NHLRC2: variants seen among roughly 807,000 people sequenced by gnomAD.
NHLRC2 encodes the protein NHL repeat-containing protein 2.
Under a neutral mutation model 68.1 loss-of-function variants are expected in NHLRC2, and 33 were observed. The observed-to-expected ratio is 0.48, with a 90% CI of 0.37 to 0.65. NHLRC2 has a LOEUF of 0.65. Among genes scored for constraint, NHLRC2 ranks in the 30% least tolerant of loss-of-function variants. The probability of loss-of-function intolerance (pLI) is 0.00; values close to 1 mark genes in which losing one functional copy is unlikely to be tolerated. For synonymous variants in NHLRC2, 311 were observed against 309.6 expected (o/e 1.00, Z -0.05); for missense variants, 761 against 853.8 (o/e 0.89, Z 1.35).
At chr10:113,856,647 A>G (rs949280867) in intron 1 of NHLRC2, among the ~76,000 whole-genome samples, 1 of 152,150 alleles carries the variant, frequency 6.6e-6, no homozygotes, top group Non-Finnish European at 1.5e-5. Flanking sequence ...ATTTACAGGG[A>G]GTGTATTTTA....
intron 5 of NHLRC2, among the ~76,000 whole-genome samples, chr10:113,885,819 A>G (rs771135877): frequency 6.6e-6 from 1 of 152,040 alleles, no homozygotes; most frequent in Non-Finnish European, 1.5e-5. Flanking sequence ...AGATCCATTC[A>G]GACATAATAA....
intron 2 of NHLRC2, among the ~76,000 whole-genome samples, chr10:113,867,686 T>C (rs534742547): frequency 5.3e-5 from 8 of 152,324 alleles, no homozygotes; most frequent in African/African-American, 1.9e-4. Context: ...ATCCTTTTTG[T>C]CTAGTGAAGC....
intron 5 of NHLRC2, among the ~76,000 whole-genome samples, chr10:113,885,886 G>C (rs1258978843): frequency 2.0e-5 from 3 of 151,864 alleles, no homozygotes; most frequent in Non-Finnish European, 4.4e-5. Context: ...GTTCCTTATG[G>C]GAAGAGGAGC....
At chr10:113,866,629 T>C (rs922363407) in intron 2 of NHLRC2, among the ~76,000 whole-genome samples, 1 of 152,120 alleles carries the variant, frequency 6.6e-6, no homozygotes, top group Admixed American at 6.5e-5. Flanking sequence ...TTTTATACTT[T>C]ATTAAAAATT....
chr10:113,884,453 G>T, intron 5 of NHLRC2, 73 bp downstream of exon 5: 3 of 1,256,152 alleles, frequency 2.4e-6, no homozygotes, highest in South Asian at 1.4e-5. Context: ...TTCTTGAGGT[G>T]GTCATTTGGA....
intron 6 of NHLRC2, 102 bp downstream of exon 6, chr10:113,898,311 A>G (rs936757995): frequency 1.2e-5 from 8 of 690,494 alleles, no homozygotes; most frequent in African/African-American, 1.1e-4. Flanking sequence ...AGGATGTGCT[A>G]GGTTGTACTG....
intron 5 of NHLRC2, among the ~76,000 whole-genome samples, chr10:113,891,610 G>A (rs750375240): frequency 3.9e-5 from 6 of 152,106 alleles, no homozygotes; most frequent in Non-Finnish European, 8.8e-5. Context: ...CTCAGTACAT[G>A]GGCCTAGATT....
At chr10:113,855,932 AGAGGTTAAGTCACATGCCCAGG>A (rs1477328050) in intron 1 of NHLRC2, among the ~76,000 whole-genome samples, 1 of 152,200 alleles carries the variant, frequency 6.6e-6, no homozygotes, top group Non-Finnish European at 1.5e-5. Context: ...GGAAGCACAG[AGAGGTTAAGTCACATGCCCAGG>A]GCCTCACAGC....
At chr10:113,865,158 C>T (rs749425750) in intron 2 of NHLRC2, among the ~76,000 whole-genome samples, 1 of 151,890 alleles carries the variant, frequency 6.6e-6, no homozygotes, top group Non-Finnish European at 1.5e-5. Context: ...ACCGTGTTAG[C>T]CAGGATGGTC....
intron 2 of NHLRC2, among the ~76,000 whole-genome samples, chr10:113,874,314 G>A (rs971375919): frequency 1.3e-5 from 2 of 152,040 alleles, no homozygotes; most frequent in Admixed American, 6.6e-5. Context: ...CAGATGAACA[G>A]GTTAAGTAAC....
Position 113,914,879 on chromosome 10 carries a change from C to A in NHLRC2, c.*6343C>A. On this transcript the variant is annotated 3_prime_UTR_variant, in exon 11 of 11. Transcript: ENST00000369301. ...ATTAAAAGTCAGAGGCTTTACTAAT[C>A]TACCTATATGTATTCCATGGCTAAC... 2.6e-6 allele frequency: 1 copy of A among 384,514 alleles called. No individual in the cohort carries two copies. Among genetic ancestry groups the A allele is most frequent in the South Asian group, 1.9e-5 (1 of 51,520 alleles). The allele number at this position is 384,514 out of a possible 1,614,324, so 23.8% of individuals were successfully genotyped here.
At position 113,908,490 on chromosome 10, in the gene NHLRC2, C is replaced by T; in HGVS notation, c.2135C>T (p.Thr712Ile). 1 of 1,614,052 alleles carries T rather than the reference C, an allele frequency of 6.2e-7. No homozygotes were observed. Among genetic ancestry groups the T allele is most frequent in the Non-Finnish European group, 8.5e-7 (1 of 1,179,958 alleles). Residue 712 changes from threonine (T) to isoleucine (I), a missense_variant, in exon 11 of 11, where the codon ACA becomes ATA. Physicochemically the swap from Thr to Ile is moderately conservative, Grantham distance 89. Transcript: ENST00000369301. ...LFSQPLQITD[T>I]QQGCIAPVEL... is the part of the protein sequence containing the mutation. ...AGTCAGCCTTTACAAATAACGGATA[C>T]ACAGCAAGGTTGCATAGCTCCAGTA...
chr10:113,887,321 A>G (rs1049159816), intron 5 of NHLRC2, among the ~76,000 whole-genome samples: 1 of 152,214 alleles, frequency 6.6e-6, no homozygotes, highest in Non-Finnish European at 1.5e-5. Context: ...TAAAAATAGA[A>G]TATTTATATG....
intron 5 of NHLRC2, among the ~76,000 whole-genome samples, chr10:113,888,679 C>A (rs1846103923): frequency 1.3e-5 from 2 of 151,884 alleles, no homozygotes; most frequent in African/African-American, 4.8e-5. Context: ...CATCATGCAC[C>A]AAAAATAATT....
At chr10:113,856,672 G>T (rs1046238401) in intron 1 of NHLRC2, among the ~76,000 whole-genome samples, 3 of 151,838 alleles carry the variant, frequency 2.0e-5, no homozygotes, top group Admixed American at 2.0e-4. Context: ...CATGAGATTT[G>T]ACCTCTGTGA....
intron 2 of NHLRC2, among the ~76,000 whole-genome samples, chr10:113,865,560 C>CT (rs1845858965): frequency 8.3e-6 from 1 of 121,024 alleles, no homozygotes; most frequent in Non-Finnish European, 1.7e-5. Flanking sequence ...TTCACAGAGG[C>CT]TTTCTTTTCT....
In NHLRC2 at chr10:113,916,109, C is replaced by T. The variant is rs948757403; in HGVS notation, c.*7573C>T. 6.6e-6 allele frequency: 1 copy of T among 152,194 alleles called. No homozygotes were observed. The highest frequency in any genetic ancestry group is 2.4e-5 in the African/African-American group (1 of 41,454). The allele number at this position is 152,194 out of a possible 1,614,324, so 9.4% of individuals were successfully genotyped here. A position where few individuals can be genotyped will look rare whatever the true frequency, so the allele number is the denominator to read the frequency against. ...CTTCTGTTTTTAGAATTTGTAGTCACTGTTCTTAGTGCCACTGGAAATATA... is the reference window on the plus strand; with the variant it reads ...CTTCTGTTTTTAGAATTTGTAGTCATTGTTCTTAGTGCCACTGGAAATATA... On this transcript the variant is annotated 3_prime_UTR_variant, in exon 11 of 11. Transcript: ENST00000369301.
At chr10:113,879,202 G>A (rs1846014257) in intron 3 of NHLRC2, among the ~76,000 whole-genome samples, 1 of 152,102 alleles carries the variant, frequency 6.6e-6, no homozygotes, top group African/African-American at 2.4e-5. Flanking sequence ...TTTTTCTAGG[G>A]AAAGGGCTCA....
Position 113,910,979 on chromosome 10 carries a change from C to T in NHLRC2, c.*2443C>T, listed in dbSNP as rs1346956397. ...ATTTATGACGAGGATAAACCTCTCA[C>T]ATAAGAGGAAGCACTAGAAAGTTTA... is the stretch of plus-strand genomic sequence containing the variant. On this transcript the variant is annotated 3_prime_UTR_variant, in exon 11 of 11. Transcript: ENST00000369301. 1 of 152,142 alleles carries T rather than the reference C, an allele frequency of 6.6e-6. No homozygotes were observed. Among genetic ancestry groups the T allele is most frequent in the East Asian group, 1.9e-4 (1 of 5,190 alleles). The allele number at this position is 152,142 out of a possible 1,614,324, so 9.4% of individuals were successfully genotyped here.
Sources: gnomAD v4.1 joint callset for allele counts (sites outside exome capture counted in the v4.1 genomes callset) on GRCh38, gnomAD v4.1.1 for gene constraint, MANE v1.5 for transcripts, NCBI Gene and HGNC (gene_info 2026-07-23, HGNC 2026-07-21) for gene names.